PARD3B: variants seen among roughly 807,000 people sequenced by gnomAD.
The protein encoded by PARD3B is par-3 family cell polarity regulator beta.
In PARD3B, 103 loss-of-function variants were observed where a neutral mutation model predicts 130.2. The ratio of observed to expected loss-of-function variants is 0.79; its 90% CI spans 0.67 to 0.93. PARD3B has a LOEUF of 0.93. Ranked by LOEUF, PARD3B falls within the 40% of genes least tolerant of loss-of-function variation. The pLI is 0.00. For synonymous variants in PARD3B, 583 were observed against 553.2 expected (o/e 1.05, Z -0.76); for missense variants, 1,609 against 1,499.2 (o/e 1.07, Z -1.21).
intron 2 of PARD3B, among the ~76,000 whole-genome samples, chr2:204,964,699 A>G (rs537438402): frequency 4.3e-4 from 65 of 152,212 alleles, no homozygotes; most frequent in Non-Finnish European, 8.1e-4. Flanking sequence ...AGATACAATT[A>G]GGCATCTTGT....
Position 205,280,937 on chromosome 2 carries a change from G to C in PARD3B, c.2186-19593G>C, listed in dbSNP as rs1332854746. ...GTATTGATTCCTTTTATTACTAGCA[G>C]CCGTTTAACCTGACCTCTTCCAGAT... On this transcript the variant is annotated intron_variant, in intron 16 of 22. Coordinates refer to ENST00000406610, the MANE Select transcript of PARD3B (RefSeq NM_001302769.2). The surrounding 1 kb of genome is among the most constrained non-coding windows in gnomAD (Gnocchi z 4.7). 6.6e-6 allele frequency among the ~76,000 whole-genome samples: 1 copy of C among 152,156 alleles called. No homozygotes were observed. The highest frequency in any genetic ancestry group is 1.5e-5 in the Non-Finnish European group (1 of 68,022).
chr2:204,653,874 C>T lies in PARD3B; in HGVS notation c.121-32307C>T, dbSNP rs188961017. On this transcript the variant is annotated intron_variant, in intron 1 of 22. Coordinates refer to ENST00000406610, the MANE Select transcript of PARD3B (RefSeq NM_001302769.2). ...GAGATTAGTTTAACCTAATGAAGCA[C>T]TGGTCCTTAAATTTGGGAGGAAAGT... Among the ~76,000 whole-genome samples, 260 of 150,774 alleles carry T rather than the reference C, an allele frequency of 1.7e-3. 2 individuals are homozygous for T. The highest frequency in any genetic ancestry group is 3.7e-3 in the South Asian group (18 of 4,814).
rs551045229 is a variant in PARD3B at position 205,357,715 on chromosome 2, A to G, written c.2631-43298A>G. On this transcript the variant is annotated intron_variant, in intron 18 of 22. Transcript: ENST00000406610. ...AATTATGCAGACTTCTCTGAAGTCA[A>G]ACAGAGAAGGGAGAGTATGAGATCT... Among the ~76,000 whole-genome samples, 93 of 152,352 alleles carry G rather than the reference A, an allele frequency of 6.1e-4. 1 individual carries two copies. Among genetic ancestry groups the G allele is most frequent in the African/African-American group, 2.2e-3 (90 of 41,586 alleles).
intron 2 of PARD3B, among the ~76,000 whole-genome samples, chr2:204,784,444 A>T (rs189092933): frequency 2.6e-5 from 4 of 152,304 alleles, no homozygotes; most frequent in Non-Finnish European, 5.9e-5. Flanking sequence ...TGCTTAAAGG[A>T]CAAACTATAC....
At position 205,106,529 on chromosome 2, in the gene PARD3B, G is replaced by GTGTA. The variant is rs1221420507; in HGVS notation, c.593+2016_593+2017insGTAT. ...TGTGTGTGTGTGTGTGTGTGTGTGT[G>GTGTA]TATATTTGATTATCAAAACGGGCTT... On this transcript the variant is annotated intron_variant, in intron 5 of 22. Transcript: ENST00000406610. Among the ~76,000 whole-genome samples, 189 of 150,658 alleles carry GTGTA rather than the reference G, an allele frequency of 1.3e-3. 2 individuals carry two copies. Among genetic ancestry groups the GTGTA allele is most frequent in the South Asian group, 8.6e-3 (41 of 4,768 alleles).
intron 18 of PARD3B, among the ~76,000 whole-genome samples, chr2:205,353,751 A>G (rs2044078902): frequency 6.6e-6 from 1 of 152,104 alleles, no homozygotes. Context: ...TATTCTTTTC[A>G]CTCCAAATTG....
At chr2:205,496,000 T>C (rs1204519123) in intron 20 of PARD3B, among the ~76,000 whole-genome samples, 1 of 152,166 alleles carries the variant, frequency 6.6e-6, no homozygotes, top group Non-Finnish European at 1.5e-5. Flanking sequence ...TGAGAATTCT[T>C]TCCCAATTAC....
chr2:204,766,523 A>G (rs1056874622), intron 2 of PARD3B, among the ~76,000 whole-genome samples: 16 of 152,224 alleles, frequency 1.1e-4, no homozygotes, highest in African/African-American at 3.8e-4. Context: ...ATTTTAGTGT[A>G]CTATACTCTT....
intron 2 of PARD3B, among the ~76,000 whole-genome samples, chr2:204,848,238 G>A (rs73068611): frequency 0.065 from 9,877 of 152,158 alleles, 879 homozygotes; most frequent in African/African-American, 0.2. Context: ...GCAGTTTTAA[G>A]CATCTACTGG....
In PARD3B at chr2:205,321,315, TA is replaced by T. The variant is rs1270293926; in HGVS notation, c.2630+19617del. ...TTTAACCTCAAAACTTAGATTTTTT[TA>T]AAGTTTGTATTATGAAATAATTTTA... On this transcript the variant is annotated intron_variant, in intron 18 of 22. Transcript: ENST00000406610. The surrounding 1 kb of genome is among the most constrained non-coding windows in gnomAD (Gnocchi z 4.2). 1.3e-5 allele frequency among the ~76,000 whole-genome samples: 2 copies of T among 152,208 alleles called. No individual in the cohort carries two copies. The highest frequency in any genetic ancestry group is 3.8e-4 in the East Asian group (2 of 5,198).
At chr2:205,350,769 A>C (rs1044701686) in intron 18 of PARD3B, among the ~76,000 whole-genome samples, 3 of 152,116 alleles carry the variant, frequency 2.0e-5, no homozygotes, top group Non-Finnish European at 2.9e-5. Flanking sequence ...ATACTTGTTT[A>C]TATCTTCCGA....
At chr2:204,901,514 C>T (rs1001818563) in intron 2 of PARD3B, among the ~76,000 whole-genome samples, 28 of 151,576 alleles carry the variant, frequency 1.8e-4, no homozygotes, top group African/African-American at 6.3e-4. Context: ...GGTATGGAGC[C>T]GGTCCAGAAA....
At chr2:204,854,924 G>A (rs1354902445) in intron 2 of PARD3B, among the ~76,000 whole-genome samples, 2 of 152,124 alleles carry the variant, frequency 1.3e-5, no homozygotes, top group Admixed American at 6.6e-5. Flanking sequence ...AGCTCTTTCT[G>A]TAGAGAAAGG....
intron 15 of PARD3B, among the ~76,000 whole-genome samples, chr2:205,202,322 T>C (rs1269718396): frequency 6.6e-6 from 1 of 152,186 alleles, no homozygotes. Flanking sequence ...GGTGTAAAAA[T>C]GGTTCTCTAT....
chr2:205,361,060 C>T (rs889607874), intron 18 of PARD3B, among the ~76,000 whole-genome samples: 1 of 151,862 alleles, frequency 6.6e-6, no homozygotes, highest in Non-Finnish European at 1.5e-5. Context: ...TGACTTTGTC[C>T]ATGTTTGTTG....
rs565787049 is a variant in PARD3B at position 205,237,857 on chromosome 2, C to T, written c.2141-7921C>T. Among the ~76,000 whole-genome samples the T allele has an allele frequency of 3.5e-4, 54 of 152,252 alleles. 1 individual carries two copies. The highest frequency in any genetic ancestry group is 3.4e-3 in the Middle Eastern group (1 of 294). On this transcript the variant is annotated intron_variant, in intron 15 of 22. Transcript: ENST00000406610. ...ATATTTATTCCAAACAGTTCTGTTA[C>T]GTTTTGGTCTTTATTTAGACCTGTC...
chr2:204,988,937 T>C (rs1693409181), intron 3 of PARD3B, among the ~76,000 whole-genome samples: 1 of 152,194 alleles, frequency 6.6e-6, no homozygotes, highest in Admixed American at 6.5e-5. Context: ...TACGTTCATC[T>C]CTTTGTTCTT....
intron 2 of PARD3B, among the ~76,000 whole-genome samples, chr2:204,692,894 G>C (rs1030242020): frequency 1.3e-5 from 2 of 152,020 alleles, no homozygotes; most frequent in Non-Finnish European, 2.9e-5. Flanking sequence ...TCTTTCAAAA[G>C]AGGAAATATC....
chr2:204,872,655 T>A (rs1188882864), intron 2 of PARD3B, among the ~76,000 whole-genome samples: 1 of 152,220 alleles, frequency 6.6e-6, no homozygotes, highest in Non-Finnish European at 1.5e-5. Flanking sequence ...ACTTTGAGAA[T>A]CTAATTGTAA....
Sources: allele counts gnomAD v4.1 joint callset (sites outside exome capture counted in the v4.1 genomes callset), GRCh38; gene constraint gnomAD v4.1.1; non-coding constraint Gnocchi (gnomAD v3.1); transcripts MANE v1.5; gene names NCBI Gene and HGNC (gene_info 2026-07-23, HGNC 2026-07-21).